Variants in PTPRD observed in about 807,000 individuals in gnomAD.
PTPRD encodes receptor-type tyrosine-protein phosphatase delta.
Under a neutral mutation model 214.5 loss-of-function variants are expected in PTPRD, and 34 were observed. That is an observed-to-expected ratio of 0.16 (90% CI 0.12 to 0.21). The LOEUF is 0.21. Ranked by LOEUF, PTPRD falls within the 10% of genes least tolerant of loss-of-function variation. The pLI, the probability that PTPRD is intolerant of heterozygous loss-of-function variation, is 1.00. For synonymous variants in PTPRD, 1,128 were observed against 845.7 expected, an observed-to-expected ratio of 1.33 and a Z score of -5.79; for missense variants, 2,545 against 2,398.7, an observed-to-expected ratio of 1.06 and a Z score of -1.27.
chr9:8,506,517 G>A (rs1054476244), intron 22 of PTPRD, among the ~76,000 whole-genome samples: 1 of 152,150 alleles, frequency 6.6e-6, no homozygotes, highest in Non-Finnish European at 1.5e-5. Flanking sequence ...CGACTGCCTA[G>A]ACTCAAATCC....
At chr9:9,484,617 T>C (rs2095551887) in intron 8 of PTPRD, among the ~76,000 whole-genome samples, 1 of 152,284 alleles carries the variant, frequency 6.6e-6, no homozygotes, top group East Asian at 1.9e-4. Context: ...TCAGTGCCCA[T>C]ATACATTATT....
intron 8 of PTPRD, among the ~76,000 whole-genome samples, chr9:9,450,384 C>A: frequency 6.6e-6 from 1 of 151,882 alleles, no homozygotes; most frequent in Non-Finnish European, 1.5e-5. Context: ...TTCCCACCAG[C>A]AGTATAAAAG....
At chr9:9,308,439 A>G (rs1390449607) in intron 9 of PTPRD, among the ~76,000 whole-genome samples, 6 of 152,208 alleles carry the variant, frequency 3.9e-5, no homozygotes, top group African/African-American at 1.4e-4. Context: ...TCTCAGCATC[A>G]TTTAATATCA....
chr9:9,421,139 T>G (rs1032388225), intron 8 of PTPRD, among the ~76,000 whole-genome samples: 5 of 152,034 alleles, frequency 3.3e-5, no homozygotes, highest in Non-Finnish European at 7.4e-5. Flanking sequence ...CTACTTAGAG[T>G]TGTCCCATCC....
chr9:9,024,795 T>C (rs978722790), intron 10 of PTPRD, among the ~76,000 whole-genome samples: 15 of 151,938 alleles, frequency 9.9e-5, no homozygotes, highest in Non-Finnish European at 1.8e-4. Context: ...TAACTTTTTA[T>C]ATATTAAGGA....
chr9:8,360,323 T>C (rs1015565126), intron 39 of PTPRD, among the ~76,000 whole-genome samples: 1 of 152,222 alleles, frequency 6.6e-6, no homozygotes, highest in Non-Finnish European at 1.5e-5. Flanking sequence ...TTGCTGTTGA[T>C]ATTAAAAACA....
At chr9:9,858,486 C>T (rs1316772450) in intron 5 of PTPRD, among the ~76,000 whole-genome samples, 2 of 152,152 alleles carry the variant, frequency 1.3e-5, no homozygotes, top group Non-Finnish European at 2.9e-5. Flanking sequence ...AAACACCTGG[C>T]AAATGTGCCA....
chr9:9,630,387 G>C (rs2095552986), intron 7 of PTPRD, among the ~76,000 whole-genome samples: 1 of 152,100 alleles, frequency 6.6e-6, no homozygotes, highest in Non-Finnish European at 1.5e-5. Flanking sequence ...GGCAGGGAGA[G>C]GATGGTTTCT....
chr9:8,992,639 T>G (rs2099379726), intron 11 of PTPRD, among the ~76,000 whole-genome samples: 1 of 152,208 alleles, frequency 6.6e-6, no homozygotes, highest in South Asian at 2.1e-4. Flanking sequence ...ACGGCTACTT[T>G]GAGTCTTGAA....
At chr9:9,687,231 G>C (rs767145508) in intron 7 of PTPRD, among the ~76,000 whole-genome samples, 1 of 151,810 alleles carries the variant, frequency 6.6e-6, no homozygotes, top group Non-Finnish European at 1.5e-5. Flanking sequence ...AAAACCTTGA[G>C]ACATTTGTCT....
intron 10 of PTPRD, among the ~76,000 whole-genome samples, chr9:9,098,417 T>C (rs1161788448): frequency 6.6e-6 from 1 of 152,066 alleles, no homozygotes; most frequent in Non-Finnish European, 1.5e-5. Flanking sequence ...CCACCACACC[T>C]GGCTAATTTT....
At chr9:9,198,764 T>C (rs1021328758) in intron 9 of PTPRD, among the ~76,000 whole-genome samples, 4 of 152,186 alleles carry the variant, frequency 2.6e-5, no homozygotes, top group African/African-American at 9.7e-5. Flanking sequence ...ATAATCAGTG[T>C]CTTACCTTAA....
chr9:9,585,894 T>C (rs897384869), intron 7 of PTPRD, among the ~76,000 whole-genome samples: 1 of 151,962 alleles, frequency 6.6e-6, no homozygotes, highest in African/African-American at 2.4e-5. Context: ...TGGAGATAAA[T>C]TAACATGGAG....
chr9:9,305,353 A>C (rs1192825335), intron 9 of PTPRD, among the ~76,000 whole-genome samples: 1 of 152,102 alleles, frequency 6.6e-6, no homozygotes, highest in Admixed American at 6.6e-5. Context: ...GAAGACAGTA[A>C]AATTCAATCA....
In PTPRD at chr9:8,317,402, C is replaced by G; in HGVS notation, c.*472G>C. ...ATCAAGGACTTTCTTTTTAAACATT[C>G]CCTCCCCTTTCCCCCTAAAATGTTA... On this transcript the variant is annotated 3_prime_UTR_variant, in exon 46 of 46. Coordinates refer to ENST00000381196, the MANE Select transcript of PTPRD (RefSeq NM_002839.4). The G allele has an allele frequency of 4.3e-6, 1 of 233,114 alleles. No homozygotes were observed. Among genetic ancestry groups the G allele is most frequent in the Non-Finnish European group, 8.5e-6 (1 of 117,650 alleles). The allele number at this position is 233,114 out of a possible 1,614,324, so 14.4% of individuals were successfully genotyped here.
chr9:8,572,877 A>G (rs1252838922), intron 14 of PTPRD, among the ~76,000 whole-genome samples: 1 of 152,052 alleles, frequency 6.6e-6, no homozygotes, highest in African/African-American at 2.4e-5. Flanking sequence ...CATATATCCT[A>G]AATATTTCCA....
rs150945681 is a variant in PTPRD, at chr9:8,539,510, T to C, written c.353-10731A>G. Among the ~76,000 whole-genome samples, 914 of 151,902 alleles carry C rather than the reference T, an allele frequency of 6.0e-3. 10 individuals carry two copies. The highest frequency in any genetic ancestry group is 0.02 in the African/African-American group (826 of 41,534). On this transcript the variant is annotated intron_variant, in intron 14 of 45. Coordinates refer to ENST00000381196, the MANE Select transcript of PTPRD (RefSeq NM_002839.4). The stretch of plus-strand genomic sequence containing the variant: ...TTAAAAATTTTAACTATTTTTAAAA[T>C]AATAATAAAATATGTAAAGAAAAAT...
intron 11 of PTPRD, among the ~76,000 whole-genome samples, chr9:8,967,812 T>G (rs2099207920): frequency 6.6e-6 from 1 of 152,128 alleles, no homozygotes; most frequent in Admixed American, 6.6e-5. Context: ...TGCAGGTGTG[T>G]TACATATGTA....
At position 8,630,454 on chromosome 9, in the gene PTPRD, C is replaced by T. The variant is rs183353091; in HGVS notation, c.352+2863G>A. 8.8e-4 allele frequency among the ~76,000 whole-genome samples: 134 copies of T among 151,922 alleles called. 1 individual carries two copies. The highest frequency in any genetic ancestry group is 3.2e-3 in the African/African-American group (133 of 41,484). ...TTTAGAAGTTTTAAGCAAACAGTGA[C>T]TCCAGGAAACAAAAATAATTTCCAT... On this transcript the variant is annotated intron_variant, in intron 14 of 45. Coordinates refer to ENST00000381196, the MANE Select transcript of PTPRD (RefSeq NM_002839.4).
Sources: allele counts gnomAD v4.1 joint callset (sites outside exome capture counted in the v4.1 genomes callset), GRCh38; gene constraint gnomAD v4.1.1; transcripts MANE v1.5; gene names NCBI Gene and HGNC (gene_info 2026-07-23, HGNC 2026-07-21).